ABCC5: variants seen among roughly 807,000 people sequenced by gnomAD.
ABCC5 encodes ATP-binding cassette sub-family C member 5.
ABCC5 carries 61 observed loss-of-function variants against 160.9 expected under a neutral mutation model. The observed-to-expected ratio is 0.38, with a 90% confidence interval of 0.31 to 0.47. The LOEUF is 0.47. Among genes scored for constraint, ABCC5 ranks in the 20% least tolerant of loss-of-function variants. The pLI, the probability that ABCC5 is intolerant of heterozygous loss-of-function variation, is 0.99. For synonymous variants in ABCC5, 666 were observed against 700.6 expected, an observed-to-expected ratio of 0.95 and a Z score of 0.78; for missense variants, 1,308 against 1,813.3, an observed-to-expected ratio of 0.72 and a Z score of 5.06.
chr3:183,953,330 G>T, intron 17 of ABCC5, 60 bp from the exon 18 acceptor site: 1 of 1,479,158 alleles, frequency 6.8e-7, no homozygotes. Context: ...ATAAAACTAA[G>T]TCACCTGCAG....
chr3:184,007,601 G>A (rs1406964161), intron 2 of ABCC5, among the ~76,000 whole-genome samples: 3 of 151,980 alleles, frequency 2.0e-5, no homozygotes, highest in African/African-American at 7.2e-5. Context: ...TGAGGCGGAG[G>A]GATCACCTGA....
At position 183,949,985 on chromosome 3, in the gene ABCC5, G is replaced by A; in HGVS notation, c.3085C>T (p.His1029Tyr). 2.5e-6 allele frequency: 4 copies of A among 1,614,140 alleles called. No individual in the cohort carries two copies. Among genetic ancestry groups the A allele is most frequent in the Non-Finnish European group, 3.4e-6 (4 of 1,180,018 alleles). ...CTTCCTATTTACCTGGAGACAATGT[G>A]CAGGACTGAAAAGAGGATGACAAGG... ...GPLVILFSVL[H>Y]IVSRVLIREL... The change falls in exon 21 of 30, where the codon CAC (histidine) becomes TAC (tyrosine). Residue 1029 changes from histidine (H) to tyrosine (Y), a missense_variant. Coordinates refer to ENST00000334444, the MANE Select transcript of ABCC5 (RefSeq NM_005688.4). The surrounding 1 kb of genome is among the most constrained non-coding windows in gnomAD (Gnocchi z 4.2).
chr3:183,985,176 C>T (rs1017299584), intron 5 of ABCC5: 1 of 921,240 alleles, frequency 1.1e-6, no homozygotes, highest in Non-Finnish European at 1.7e-6. Context: ...AAAAATCCAA[C>T]CAAAATTTAG....
At chr3:184,000,169 G>A (rs191653159) in intron 2 of ABCC5, among the ~76,000 whole-genome samples, 4 of 151,710 alleles carry the variant, frequency 2.6e-5, no homozygotes, top group Non-Finnish European at 4.4e-5. Context: ...GACCAGCCTG[G>A]GCAACATGAT....
chr3:183,981,033 C>T (rs1718695532), intron 8 of ABCC5, among the ~76,000 whole-genome samples: 2 of 152,158 alleles, frequency 1.3e-5, no homozygotes, highest in African/African-American at 4.8e-5. Flanking sequence ...TATTTCTACT[C>T]CAACTATAAT....
Position 183,961,622 on chromosome 3 carries a change from C to T in ABCC5, c.2268G>A (p.Met756Ile). 1 of 1,614,246 alleles carries T rather than the reference C, an allele frequency of 6.2e-7. No homozygotes were observed. Among genetic ancestry groups the T allele is most frequent in the Non-Finnish European group, 8.5e-7 (1 of 1,180,036 alleles). Reference protein sequence around the residue: ...YLVDCDEVIFMKEGCITERGT... With the variant: ...YLVDCDEVIFIKEGCITERGT... ...CTCTTTCCGTAATACAGCCCTCTTT[C>T]ATGAAGATCACTTCATCACAGTCAA... The change falls in exon 16 of 30, where the codon ATG becomes ATA. Residue 756 changes from methionine to isoleucine, a missense_variant. Met to Ile is a conservative substitution (Grantham distance 10). Transcript: ENST00000334444.
At chr3:183,941,228 G>C (rs926272342) in intron 25 of ABCC5, among the ~76,000 whole-genome samples, 4 of 152,048 alleles carry the variant, frequency 2.6e-5, no homozygotes, top group Admixed American at 6.6e-5. Context: ...TGCTTGTTTT[G>C]GCCTATCTCA....
At chr3:183,947,050 CA>C (rs1427261743) in intron 23 of ABCC5, among the ~76,000 whole-genome samples, 1 of 152,188 alleles carries the variant, frequency 6.6e-6, no homozygotes, top group Non-Finnish European at 1.5e-5. Flanking sequence ...TTTTCAAGAT[CA>C]TATTTCTTTT....
At chr3:183,938,534 T>C (rs1713971960) in intron 25 of ABCC5, among the ~76,000 whole-genome samples, 1 of 152,172 alleles carries the variant, frequency 6.6e-6, no homozygotes, top group African/African-American at 2.4e-5. Flanking sequence ...CCTGATCTCG[T>C]GATCCGCCCA....
intron 26 of ABCC5, among the ~76,000 whole-genome samples, chr3:183,934,948 G>A (rs9858774): frequency 0.63 from 95,240 of 152,090 alleles, 30,676 homozygotes; most frequent in East Asian, 0.84. Flanking sequence ...CAAGTTTAAC[G>A]TGCTTTATTT....
intron 2 of ABCC5, among the ~76,000 whole-genome samples, chr3:183,992,979 T>C (rs944480978): frequency 2.0e-5 from 3 of 152,188 alleles, no homozygotes; most frequent in African/African-American, 7.2e-5. Context: ...CACAAAATGT[T>C]GACACAATTC....
At chr3:183,977,413 G>A (rs897678164) in intron 10 of ABCC5, 104 bp downstream of exon 10, 3 of 747,350 alleles carry the variant, frequency 4.0e-6, no homozygotes, top group Non-Finnish European at 6.5e-6. Flanking sequence ...CCAAAGCCAA[G>A]CTTAAGCCCA....
Position 183,988,523 on chromosome 3 carries a change from C to T in ABCC5, c.443+49G>A. On this transcript the variant is annotated intron_variant, in intron 4 of 29. Transcript: ENST00000334444. The surrounding 1 kb of genome is among the most constrained non-coding windows in gnomAD (Gnocchi z 4.4). The stretch of plus-strand genomic sequence containing the variant: ...GTGGACTTCACACTCCTAGCTCAGG[C>T]CCTGCCCACCCGGCATGGGGGAGAT... The T allele has an allele frequency of 6.4e-7, 1 of 1,571,954 alleles. No homozygotes were observed. Among genetic ancestry groups the T allele is most frequent in the Non-Finnish European group, 8.6e-7 (1 of 1,163,198 alleles).
chr3:183,957,311 A>T (rs371254866), intron 17 of ABCC5, among the ~76,000 whole-genome samples: 11 of 48,464 alleles, frequency 2.3e-4, no homozygotes, highest in South Asian at 1.2e-3. Context: ...TCCGTGTGTA[A>T]ATCACATCGG....
chr3:183,943,226 C>A (rs537119821), intron 24 of ABCC5, among the ~76,000 whole-genome samples: 1 of 152,144 alleles, frequency 6.6e-6, no homozygotes, highest in Admixed American at 6.5e-5. Flanking sequence ...AAAACCAACA[C>A]GGGCAGACAT....
rs2108906360 is a variant in ABCC5, at chr3:184,004,584, A to C, written c.129+9680T>G. 2.0e-5 allele frequency among the ~76,000 whole-genome samples: 3 copies of C among 152,088 alleles called. 1 individual carries two copies. In the South Asian group the frequency reaches 6.2e-4, roughly 32 times the overall value. ...TCCAGTGCCTAACACAATGTGTGTT[A>C]AATGCTTAGTACAAGGCTTTCTGGG... On this transcript the variant is annotated intron_variant, in intron 2 of 29. Transcript: ENST00000334444.
chr3:183,938,769 T>G (rs1713998172), intron 25 of ABCC5, among the ~76,000 whole-genome samples: 1 of 152,176 alleles, frequency 6.6e-6, no homozygotes, highest in Admixed American at 6.5e-5. Context: ...ACCCCCTTAT[T>G]AGGGCTGAGA....
intron 2 of ABCC5, among the ~76,000 whole-genome samples, chr3:183,998,868 T>C (rs1720505425): frequency 6.6e-6 from 1 of 152,032 alleles, no homozygotes; most frequent in African/African-American, 2.4e-5. Flanking sequence ...GGCGGGTGGA[T>C]CACCTGAGGT....
In ABCC5 at chr3:183,977,595, G is replaced by A. The variant is rs747865376; in HGVS notation, c.1326C>T (p.Ser442=). The A allele has an allele frequency of 6.2e-7, 1 of 1,613,988 alleles. No individual in the cohort carries two copies. The highest frequency in any genetic ancestry group is 8.5e-7 in the Non-Finnish European group (1 of 1,179,884). The change falls in exon 10 of 30, where the codon TCC becomes TCT. Residue 442 remains serine, a synonymous_variant. Transcript: ENST00000334444. ...GTGTTACTTTCAAAGCAAAAGTCAT[G>A]GAATTGAAGACTGTCACCACTGTGA... ...QAFTVVTVFN[S]MTFALKVTPF...
Sources: gnomAD v4.1 joint callset for allele counts (sites outside exome capture counted in the v4.1 genomes callset) on GRCh38, gnomAD v4.1.1 for gene constraint, Gnocchi (gnomAD v3.1) non-coding constraint, MANE v1.5 for transcripts, NCBI Gene and HGNC (gene_info 2026-07-23, HGNC 2026-07-21) for gene names.